The following SGSM1 variants were observed in gnomAD, a reference collection of about 807,000 sequenced individuals.
The protein encoded by SGSM1 is small G protein signaling modulator 1, also known as RUN and TBC1 domain containing 2.
SGSM1 carries 73 observed loss-of-function variants against 133.8 expected under a neutral mutation model. That is an observed-to-expected ratio of 0.55 (90% confidence interval 0.45 to 0.66). The LOEUF is 0.66. Ranked by LOEUF, SGSM1 falls within the 30% of genes least tolerant of loss-of-function variation. SGSM1 has a pLI of 0.00. For synonymous variants in SGSM1, 563 were observed against 573.0 expected, an observed-to-expected ratio of 0.98 and a Z score of 0.25; for missense variants, 1,213 against 1,448.1, an observed-to-expected ratio of 0.84 and a Z score of 2.64.
At chr22:24,839,288 T>C (rs546377650) in intron 2 of SGSM1, among the ~76,000 whole-genome samples, 1 of 152,326 alleles carries the variant, frequency 6.6e-6, no homozygotes, top group East Asian at 1.9e-4. Flanking sequence ...GGTTTCAAAC[T>C]CCTAGGCCCA....
intron 2 of SGSM1, among the ~76,000 whole-genome samples, chr22:24,812,001 C>T (rs1352707531): frequency 6.6e-6 from 1 of 151,768 alleles, no homozygotes; most frequent in African/African-American, 2.4e-5. Flanking sequence ...GAAACCTCAT[C>T]TCTACAAAAA....
At position 24,926,494 on chromosome 22, in the gene SGSM1, A is replaced by C. The variant is rs1406986073; in HGVS notation, c.*2220A>C. 6.6e-6 allele frequency: 1 copy of C among 152,248 alleles called. No individual in the cohort carries two copies. Among genetic ancestry groups the C allele is most frequent in the Non-Finnish European group, 1.5e-5 (1 of 68,050 alleles). 9.4% of individuals were successfully genotyped at this position (152,248 alleles called of 1,614,324 possible). A position where few individuals can be genotyped will look rare whatever the true frequency, so the allele number is the denominator to read the frequency against. On this transcript the variant is annotated 3_prime_UTR_variant, in exon 25 of 25. Transcript: ENST00000400358. Reference sequence around the variant, plus strand: ...ATTTTGCCGTTCAGCTGTTCTTTACAGAGGATGTTATTTTAGTGAGACCCA... The same window carrying C: ...ATTTTGCCGTTCAGCTGTTCTTTACCGAGGATGTTATTTTAGTGAGACCCA...
At position 24,847,802 on chromosome 22, in the gene SGSM1, T is replaced by C; in HGVS notation, c.302+6T>C. 1 of 1,612,994 alleles carries C rather than the reference T, an allele frequency of 6.2e-7. No individual in the cohort carries two copies. Among genetic ancestry groups the C allele is most frequent in the Non-Finnish European group, 8.5e-7 (1 of 1,179,394 alleles). On this transcript the variant is annotated splice_donor_region_variant and intron_variant, in intron 4 of 24. Transcript: ENST00000400358. ...GAGCAGCTGATCGAGAGCGCGTGAG[T>C]GCAAAGCATGGGGCACAGGTGGGAG... is the stretch of plus-strand genomic sequence containing the variant.
At chr22:24,842,345 C>T (rs1929855029) in intron 2 of SGSM1, among the ~76,000 whole-genome samples, 1 of 152,148 alleles carries the variant, frequency 6.6e-6, no homozygotes, top group South Asian at 2.1e-4. Flanking sequence ...ATTACTCCAC[C>T]TCTCTGGGCC....
chr22:24,920,562 A>G (rs1040061121), intron 24 of SGSM1, among the ~76,000 whole-genome samples: 4 of 152,226 alleles, frequency 2.6e-5, no homozygotes, highest in Admixed American at 2.0e-4. Flanking sequence ...ACAGGAGACA[A>G]CATGGTTAAA....
chr22:24,915,540 A>AT (rs58486768), intron 22 of SGSM1, among the ~76,000 whole-genome samples: 21 of 151,994 alleles, frequency 1.4e-4, no homozygotes, highest in African/African-American at 4.8e-4. Context: ...GTGATTTATA[A>AT]TTTTTTTTAT....
chr22:24,914,940 G>C (rs1278953016), intron 22 of SGSM1, among the ~76,000 whole-genome samples: 1 of 152,128 alleles, frequency 6.6e-6, no homozygotes, highest in African/African-American at 2.4e-5. Context: ...TTTATAAACA[G>C]TGCTGCGGCC....
At chr22:24,897,876 A>T in intron 18 of SGSM1, 96 bp from the exon 19 acceptor site, 1 of 1,097,566 alleles carries the variant, frequency 9.1e-7, no homozygotes, top group Non-Finnish European at 1.3e-6. Flanking sequence ...ATCCATATTT[A>T]AGCCGATCAC....
In SGSM1 at chr22:24,907,933, A is replaced by AAAAAAAAAAG. The variant is rs60386136; in HGVS notation, c.2818+2748_2818+2749insAAAAAAAGAA. 1.9e-3 allele frequency among the ~76,000 whole-genome samples: 212 copies of AAAAAAAAAAG among 109,868 alleles called. 9 individuals carry two copies. The highest frequency in any genetic ancestry group is 6.3e-3 in the African/African-American group (157 of 25,088). 72.1% of individuals were successfully genotyped at this position (109,868 alleles called of 152,430 possible). A position where few individuals can be genotyped will look rare whatever the true frequency, so the allele number is the denominator to read the frequency against. ...TCTCAAAAAAAAAAAAAAAAAAAAA[A>AAAAAAAAAAG]AAGATGTTGCAGGACTCACAGTACC... On this transcript the variant is annotated intron_variant, in intron 21 of 24. Transcript: ENST00000400358.
chr22:24,841,055 T>A (rs575244293), intron 2 of SGSM1, among the ~76,000 whole-genome samples: 37 of 152,116 alleles, frequency 2.4e-4, no homozygotes, highest in African/African-American at 4.8e-4. Context: ...TTTCACCGTG[T>A]TAGCCAAGAT....
chr22:24,904,677 C>T (rs1049192742), intron 20 of SGSM1, among the ~76,000 whole-genome samples: 3 of 151,810 alleles, frequency 2.0e-5, no homozygotes, highest in African/African-American at 7.3e-5. Flanking sequence ...CAATTCCTGA[C>T]AAAGGGAGCT....
intron 8 of SGSM1, among the ~76,000 whole-genome samples, chr22:24,858,275 C>G (rs1489226883): frequency 6.6e-6 from 1 of 152,170 alleles, no homozygotes; most frequent in African/African-American, 2.4e-5. Context: ...CCACTGCGCC[C>G]AGCCTGTGAT....
intron 18 of SGSM1, among the ~76,000 whole-genome samples, chr22:24,895,912 G>T (rs1337498078): frequency 6.6e-6 from 1 of 152,050 alleles, no homozygotes; most frequent in Non-Finnish European, 1.5e-5. Context: ...AGTTGGGCAT[G>T]GTGGTGCGTG....
intron 5 of SGSM1, among the ~76,000 whole-genome samples, chr22:24,852,706 G>A (rs1471209308): frequency 1.3e-5 from 2 of 152,142 alleles, no homozygotes; most frequent in Non-Finnish European, 2.9e-5. Flanking sequence ...GCCTCCCAAA[G>A]TGCTGGGATT....
At chr22:24,868,264 A>C in intron 10 of SGSM1, 112 bp from the exon 11 acceptor site, 1 of 1,420,062 alleles carries the variant, frequency 7.0e-7, no homozygotes, top group Non-Finnish European at 9.5e-7. Context: ...GCCTCAGAGC[A>C]GGATCCCTGG....
chr22:24,915,717 T>G (rs928615566), intron 22 of SGSM1, among the ~76,000 whole-genome samples: 2 of 152,204 alleles, frequency 1.3e-5, no homozygotes, highest in South Asian at 4.1e-4. Flanking sequence ...TTATACACTT[T>G]TAGTTATTTT....
intron 9 of SGSM1, among the ~76,000 whole-genome samples, chr22:24,866,290 T>C (rs1286516750): frequency 2.0e-4 from 30 of 152,154 alleles, no homozygotes. Flanking sequence ...CACAATGGGG[T>C]GGGTGTTATT....
intron 9 of SGSM1, among the ~76,000 whole-genome samples, chr22:24,860,475 G>A (rs1348084838): frequency 6.6e-6 from 1 of 152,088 alleles, no homozygotes; most frequent in East Asian, 1.9e-4. Flanking sequence ...AGTCCACATC[G>A]AATCTTATTT....
At chr22:24,815,518 G>A (rs1003775451) in intron 2 of SGSM1, among the ~76,000 whole-genome samples, 6 of 152,268 alleles carry the variant, frequency 3.9e-5, no homozygotes, top group East Asian at 1.9e-4. Flanking sequence ...CGAGGCAGGC[G>A]GATCACGAGT....
Sources: gnomAD v4.1 joint callset for allele counts (sites outside exome capture counted in the v4.1 genomes callset) on GRCh38, gnomAD v4.1.1 for gene constraint, MANE v1.5 for transcripts, NCBI Gene and HGNC (gene_info 2026-07-23, HGNC 2026-07-21) for gene names.